The following ITCH variants were observed in gnomAD, a reference collection of about 807,000 sequenced individuals.
The protein encoded by ITCH is E3 ubiquitin-protein ligase Itchy homolog.
In ITCH, 28 loss-of-function variants were observed where a neutral mutation model predicts 126.8. The ratio of observed to expected loss-of-function variants is 0.22; its 90% CI spans 0.16 to 0.30. The LOEUF (loss-of-function observed/expected upper bound fraction) is 0.30, where lower values mean the gene tolerates loss of function less well. ITCH is among the 10% of genes least tolerant of loss of function. ITCH has a pLI of 1.00. For synonymous variants in ITCH, 342 were observed against 340.0 expected (o/e 1.01, Z -0.06); for missense variants, 631 against 1,032.4 (o/e 0.61, Z 5.33).
intron 2 of ITCH, chr20:34,369,691 T>G (rs2037546424): frequency 2.6e-6 from 1 of 378,348 alleles, no homozygotes; most frequent in African/African-American, 2.1e-5. Flanking sequence ...GACTTTTCTG[T>G]TTTTGTAGAT....
intron 13 of ITCH, among the ~76,000 whole-genome samples, chr20:34,457,894 A>G (rs1986163615): frequency 6.6e-6 from 1 of 152,176 alleles, no homozygotes; most frequent in Admixed American, 6.5e-5. Flanking sequence ...GACTGCAGTG[A>G]ACTATGATTG....
At chr20:34,402,572 C>A in intron 3 of ITCH, 1 of 705,044 alleles carries the variant, frequency 1.4e-6, no homozygotes, top group South Asian at 1.4e-5. Context: ...GTATATGGTT[C>A]TCTACCAGTC....
At chr20:34,364,239 C>G (rs1451899883) in intron 1 of ITCH, among the ~76,000 whole-genome samples, 1 of 152,144 alleles carries the variant, frequency 6.6e-6, no homozygotes, top group Admixed American at 6.6e-5. Context: ...CCAATAACAA[C>G]GCAACCTTGT....
chr20:34,404,534 C>G (rs1164198249), intron 3 of ITCH, among the ~76,000 whole-genome samples: 1 of 151,628 alleles, frequency 6.6e-6, no homozygotes, highest in Non-Finnish European at 1.5e-5. Flanking sequence ...ATTCTCCTGC[C>G]TCAGCCTCCT....
intron 14 of ITCH, among the ~76,000 whole-genome samples, chr20:34,465,886 T>TTTTA (rs970962006): frequency 1.1e-4 from 17 of 152,232 alleles, no homozygotes; most frequent in South Asian, 1.0e-3. Flanking sequence ...TTTGGGTATC[T>TTTTA]TTTATTTATT....
At chr20:34,365,291 TC>T (rs1328391223) in intron 1 of ITCH, among the ~76,000 whole-genome samples, 2 of 152,168 alleles carry the variant, frequency 1.3e-5, no homozygotes. Flanking sequence ...CAAAAGGAAT[TC>T]CATTACATTC....
At chr20:34,405,141 CA>C (rs1170286039) in intron 3 of ITCH, among the ~76,000 whole-genome samples, 958 of 58,198 alleles carry the variant, frequency 0.016, 3 homozygotes, top group Admixed American at 0.017. Flanking sequence ...GACCCTGTCT[CA>C]AAAAAAAAAA....
At position 34,413,897 on chromosome 20, in the gene ITCH, T is replaced by A. The variant is rs755934747; in HGVS notation, c.475+18T>A. On this transcript the variant is annotated intron_variant, in intron 6 of 24. Transcript: ENST00000374864. ...TTCAGAAAGTAAGTGACTACCTTTTTAAGGTCTTTAATGATTCTTCTTAAA... is the reference window on the plus strand; with the variant it reads ...TTCAGAAAGTAAGTGACTACCTTTTAAAGGTCTTTAATGATTCTTCTTAAA... 3 of 1,585,592 alleles carry A rather than the reference T, an allele frequency of 1.9e-6. No individual in the cohort carries two copies.
At chr20:34,445,669 T>G (rs1392033333) in intron 11 of ITCH, among the ~76,000 whole-genome samples, 35 of 152,204 alleles carry the variant, frequency 2.3e-4, no homozygotes, top group Admixed American at 2.3e-3. Flanking sequence ...TCCAACTTCC[T>G]CTTCTTTTTA....
In ITCH at chr20:34,395,111, T is replaced by TA. The variant is rs201127718; in HGVS notation, c.70+1232dup. 7.7e-3 allele frequency among the ~76,000 whole-genome samples: 1,172 copies of TA among 151,808 alleles called. 17 individuals are homozygous for TA. Among genetic ancestry groups the TA allele is most frequent in the African/African-American group, 0.027 (1,107 of 41,368 alleles). On this transcript the variant is annotated intron_variant, in intron 3 of 24. Transcript: ENST00000374864. ...AGCTGTGCGTGGCGGTGCACACCTG[T>TA]AATCCCAGCTACTTGGGAGGCTGAG...
At chr20:34,383,958 T>C (rs1477343279) in intron 2 of ITCH, among the ~76,000 whole-genome samples, 2 of 149,648 alleles carry the variant, frequency 1.3e-5, no homozygotes, top group African/African-American at 4.9e-5. Flanking sequence ...TATTCTTCTG[T>C]CTCAGCCTCC....
rs1197363249 is a variant in ITCH, at chr20:34,507,282, TTTTTTTTG to T, written c.2490-412_2490-405del. Reference sequence around the variant, plus strand: ...TCTTCTGTTTTTTTTTTTTTTTTTTTTTTTTTTGGTTGTTGTTGTTGTTGTTTTGGTGT... The same window carrying T: ...TCTTCTGTTTTTTTTTTTTTTTTTTTGTTGTTGTTGTTGTTGTTTTGGTGT... On this transcript the variant is annotated intron_variant, in intron 24 of 24. Coordinates refer to ENST00000374864, the MANE Select transcript of ITCH (RefSeq NM_031483.7). 3.3e-4 allele frequency among the ~76,000 whole-genome samples: 32 copies of T among 95,800 alleles called. 1 individual carries two copies. Among genetic ancestry groups the T allele is most frequent in the South Asian group, 1.6e-3 (4 of 2,564 alleles). 62.8% of individuals were successfully genotyped at this position (95,800 alleles called of 152,430 possible).
At chr20:34,411,682 G>C (rs1464539252) in intron 4 of ITCH, among the ~76,000 whole-genome samples, 1 of 152,146 alleles carries the variant, frequency 6.6e-6, no homozygotes, top group Non-Finnish European at 1.5e-5. Context: ...ACATTAGAGA[G>C]AATGAGATAT....
chr20:34,370,107 A>G (rs1476244337), intron 2 of ITCH, among the ~76,000 whole-genome samples: 1 of 141,352 alleles, frequency 7.1e-6, no homozygotes, highest in African/African-American at 2.7e-5. Context: ...CTGTCTCGGA[A>G]AAAAAAAAAA....
intron 2 of ITCH, among the ~76,000 whole-genome samples, chr20:34,388,019 CTG>C (rs2038351976): frequency 6.6e-6 from 1 of 152,156 alleles, no homozygotes; most frequent in Non-Finnish European, 1.5e-5. Flanking sequence ...TAGATTCAAA[CTG>C]TATCTTCATT....
chr20:34,448,171 C>T (rs1984701895), intron 11 of ITCH, among the ~76,000 whole-genome samples: 1 of 152,104 alleles, frequency 6.6e-6, no homozygotes, highest in South Asian at 2.1e-4. Context: ...GGGTGGATCA[C>T]GAACAAGGTC....
intron 9 of ITCH, 63 bp from the exon 10 acceptor site, chr20:34,442,145 C>A: frequency 8.6e-7 from 1 of 1,158,786 alleles, no homozygotes; most frequent in Non-Finnish European, 1.3e-6. Context: ...AATGCAAAGA[C>A]AGGATTAAAA....
intron 23 of ITCH, among the ~76,000 whole-genome samples, chr20:34,501,898 T>C (rs1990271329): frequency 1.3e-5 from 2 of 151,692 alleles, no homozygotes; most frequent in South Asian, 4.2e-4. Context: ...AAAGTATGAA[T>C]AATACACCTG....
rs562181494 is a variant in ITCH at position 34,497,033 on chromosome 20, G to A, written c.2416+4436G>A. Among the ~76,000 whole-genome samples, 34 of 151,646 alleles carry A rather than the reference G, an allele frequency of 2.2e-4. 1 individual carries two copies. The highest frequency in any genetic ancestry group is 6.3e-4 in the South Asian group (3 of 4,794). ...TTTTTTTGAGACAGAGTCTCACTCC[G>A]TTGCCCAGGCTGGAGTACAGTGGCG... is the stretch of plus-strand genomic sequence containing the variant. On this transcript the variant is annotated intron_variant, in intron 23 of 24. Transcript: ENST00000374864.
Sources: gnomAD v4.1 joint callset for allele counts (sites outside exome capture counted in the v4.1 genomes callset) on GRCh38, gnomAD v4.1.1 for gene constraint, MANE v1.5 for transcripts, NCBI Gene and HGNC (gene_info 2026-07-23, HGNC 2026-07-21) for gene names.